Variants in MAN1A1 observed in about 807,000 individuals in gnomAD.
MAN1A1 encodes mannosyl-oligosaccharide 1,2-alpha-mannosidase IA.
Under a neutral mutation model 70.8 loss-of-function variants are expected in MAN1A1, and 29 were observed. That is an observed-to-expected ratio of 0.41 (90% CI 0.31 to 0.56). MAN1A1 has a LOEUF of 0.56. Among genes scored for constraint, MAN1A1 ranks in the 20% least tolerant of loss-of-function variants. MAN1A1 has a pLI of 0.29. For synonymous variants in MAN1A1, 349 were observed against 330.1 expected, an observed-to-expected ratio of 1.06 and a Z score of -0.62; for missense variants, 747 against 841.3, an observed-to-expected ratio of 0.89 and a Z score of 1.39.
chr6:119,325,028 C>T (rs1773108772), intron 2 of MAN1A1, among the ~76,000 whole-genome samples: 1 of 152,116 alleles, frequency 6.6e-6, no homozygotes, highest in Non-Finnish European at 1.5e-5. Context: ...AGTTTAGAGC[C>T]AATGGTTAAA....
chr6:119,321,200 T>C (rs1772993655), intron 2 of MAN1A1, among the ~76,000 whole-genome samples: 1 of 152,242 alleles, frequency 6.6e-6, no homozygotes, highest in Non-Finnish European at 1.5e-5. Flanking sequence ...GATCTTCTAC[T>C]ATCGATTTCC....
At chr6:119,272,560 A>G (rs914858813) in intron 5 of MAN1A1, among the ~76,000 whole-genome samples, 2 of 152,166 alleles carry the variant, frequency 1.3e-5, no homozygotes, top group African/African-American at 4.8e-5. Flanking sequence ...ATAAATATAA[A>G]CTTTATTATA....
In MAN1A1 at chr6:119,204,640, A is replaced by G. The variant is rs537329215; in HGVS notation, c.1116+119T>C. The G allele has an allele frequency of 2.0e-4, 254 of 1,253,222 alleles. 1 individual carries two copies. In the South Asian group the frequency reaches 3.5e-3, roughly 17 times the overall value. 77.6% of individuals were successfully genotyped at this position (1,253,222 alleles called of 1,614,324 possible). A position where few individuals can be genotyped will look rare whatever the true frequency, so the allele number is the denominator to read the frequency against. ...AATGCTGCATGTTGCAAAACTTCAG[A>G]AAGAGCTATAACAAATTTGGTTATT... is the stretch of plus-strand genomic sequence containing the variant. On this transcript the variant is annotated intron_variant, in intron 7 of 12. Transcript: ENST00000368468.
At chr6:119,224,839 G>T (rs1342871925) in intron 6 of MAN1A1, among the ~76,000 whole-genome samples, 1 of 152,106 alleles carries the variant, frequency 6.6e-6, no homozygotes, top group South Asian at 2.1e-4. Flanking sequence ...AAAAATAATT[G>T]TATCTGGGGC....
intron 11 of MAN1A1, among the ~76,000 whole-genome samples, chr6:119,184,132 C>A (rs1170833313): frequency 6.6e-6 from 1 of 152,106 alleles, no homozygotes; most frequent in East Asian, 1.9e-4. Context: ...CTTACAACAG[C>A]CCTGATTCTA....
chr6:119,300,426 T>C (rs1772358655), intron 4 of MAN1A1, among the ~76,000 whole-genome samples: 1 of 151,962 alleles, frequency 6.6e-6, no homozygotes, highest in Admixed American at 6.6e-5. Context: ...TGGCTATTTT[T>C]TGTATTTTTA....
intron 2 of MAN1A1, among the ~76,000 whole-genome samples, chr6:119,346,533 T>C (rs905820627): frequency 4.6e-5 from 7 of 152,238 alleles, no homozygotes; most frequent in Non-Finnish European, 7.3e-5. Context: ...GCTAAGATGT[T>C]AGACAGAGAC....
chr6:119,209,579 G>A (rs1582698541), intron 6 of MAN1A1, among the ~76,000 whole-genome samples: 1 of 152,152 alleles, frequency 6.6e-6, no homozygotes, highest in East Asian at 1.9e-4. Context: ...TATTCCTTTT[G>A]GATTTTAGCA....
intron 6 of MAN1A1, among the ~76,000 whole-genome samples, chr6:119,214,661 C>A (rs1033883154): frequency 6.6e-6 from 1 of 152,018 alleles, no homozygotes. Context: ...CATACCACCA[C>A]GGCTGGCTAA....
At chr6:119,316,507 T>G (rs1250624783) in intron 2 of MAN1A1, among the ~76,000 whole-genome samples, 2 of 152,136 alleles carry the variant, frequency 1.3e-5, no homozygotes, top group African/African-American at 4.8e-5. Flanking sequence ...GATGCTCCCT[T>G]AATATCCTAA....
At chr6:119,227,472 C>T (rs905355204) in intron 6 of MAN1A1, among the ~76,000 whole-genome samples, 19 of 152,166 alleles carry the variant, frequency 1.2e-4, no homozygotes, top group Non-Finnish European at 2.2e-4. Flanking sequence ...CGGAAGTATA[C>T]AATTTCATTG....
chr6:119,286,762 T>C (rs1244727507), intron 5 of MAN1A1, among the ~76,000 whole-genome samples: 2 of 152,162 alleles, frequency 1.3e-5, no homozygotes, highest in African/African-American at 2.4e-5. Context: ...TCTTTGAGGA[T>C]TAAAAACTCT....
chr6:119,189,745 C>G lies in MAN1A1; in HGVS notation c.1465G>C (p.Ala489Pro). ...GGMFALGADA[A>P]PEGMAQHYLE... ...TAGTGTTGGGCCATGCCTTCGGGAG[C>G]TGCATCAGCCCCGAGTGCGAACATG... The change falls in exon 10 of 13, where the codon GCT becomes CCT. Residue 489 changes from alanine (A) to proline (P), a missense_variant. Physicochemically the swap from Ala to Pro is conservative, Grantham distance 27 (BLOSUM62 -1). This residue lies in a region of MAN1A1 where 419 missense variants were observed against 548.2 expected (regional missense o/e 0.76). Coordinates refer to ENST00000368468, the MANE Select transcript of MAN1A1 (RefSeq NM_005907.4). 6.2e-7 allele frequency: 1 copy of G among 1,614,120 alleles called. No individual in the cohort carries two copies. The highest frequency in any genetic ancestry group is 8.5e-7 in the Non-Finnish European group (1 of 1,180,012).
At chr6:119,297,812 T>TTG (rs1772263961) in intron 4 of MAN1A1, among the ~76,000 whole-genome samples, 6 of 150,926 alleles carry the variant, frequency 4.0e-5, no homozygotes, top group African/African-American at 1.5e-4. Context: ...TTGTTTTGTT[T>TTG]TTTAAATAGA....
rs1375079346 is a variant in MAN1A1 at position 119,201,242 on chromosome 6, C to T, written c.1210+12G>A. The T allele has an allele frequency of 6.3e-7, 1 of 1,593,426 alleles. No individual in the cohort carries two copies. Among genetic ancestry groups the T allele is most frequent in the Non-Finnish European group, 8.6e-7 (1 of 1,161,416 alleles). On this transcript the variant is annotated intron_variant, in intron 8 of 12. Transcript: ENST00000368468. ...CAAAAAGAGCTATAATAATGCAAAT[C>T]TTCTGACTTACGTTGACCCCACTGT...
chr6:119,217,868 T>C (rs1477260438), intron 6 of MAN1A1, among the ~76,000 whole-genome samples: 1 of 152,220 alleles, frequency 6.6e-6, no homozygotes, highest in Non-Finnish European at 1.5e-5. Flanking sequence ...GTTTTTCTAA[T>C]AAATAGGATT....
At chr6:119,342,034 C>T (rs918907311) in intron 2 of MAN1A1, among the ~76,000 whole-genome samples, 8 of 151,978 alleles carry the variant, frequency 5.3e-5, no homozygotes, top group Admixed American at 4.6e-4. Context: ...ATGGTATCTG[C>T]GGGAATAGGC....
chr6:119,232,100 GT>G (rs1562202890), intron 6 of MAN1A1, among the ~76,000 whole-genome samples: 1 of 152,182 alleles, frequency 6.6e-6, no homozygotes, highest in African/African-American at 2.4e-5. Context: ...GAGGCTGGGC[GT>G]GGTGGCTTAC....
chr6:119,234,105 T>C (rs925517312), intron 6 of MAN1A1, among the ~76,000 whole-genome samples: 2 of 152,108 alleles, frequency 1.3e-5, no homozygotes, highest in African/African-American at 4.8e-5. Flanking sequence ...ACCAGATAAT[T>C]TGAAAAGAAG....
Sources: gnomAD v4.1 joint callset for allele counts (sites outside exome capture counted in the v4.1 genomes callset) on GRCh38, gnomAD v4.1.1 for gene constraint, gnomAD v4.1.1 regional missense constraint, MANE v1.5 for transcripts, NCBI Gene and HGNC (gene_info 2026-07-23, HGNC 2026-07-21) for gene names.